Variants in TEK observed in about 807,000 individuals in gnomAD.
TEK encodes TEK receptor tyrosine kinase.
Under a neutral mutation model 131.8 loss-of-function variants are expected in TEK, and 43 were observed. The ratio of observed to expected loss-of-function variants is 0.33; its 90% CI spans 0.26 to 0.42. The LOEUF (loss-of-function observed/expected upper bound fraction) is 0.42. Among genes scored for constraint, TEK ranks in the 10% least tolerant of loss-of-function variants. The pLI, the probability that TEK is intolerant of heterozygous loss-of-function variation, is 1.00. For synonymous variants in TEK, 580 were observed against 491.6 expected, an observed-to-expected ratio of 1.18 and a Z score of -2.38; for missense variants, 1,162 against 1,384.4, an observed-to-expected ratio of 0.84 and a Z score of 2.55.
chr9:27,195,355 A>T (rs576808887), intron 11 of TEK, among the ~76,000 whole-genome samples: 1 of 152,322 alleles, frequency 6.6e-6, no homozygotes, highest in East Asian at 1.9e-4. Context: ...CCTTTAAAAA[A>T]AAATGTATTG....
In TEK at chr9:27,158,015, C is replaced by G; in HGVS notation, c.237C>G (p.Thr79=). The G allele has an allele frequency of 6.2e-7, 1 of 1,613,990 alleles. No individual in the cohort carries two copies. ...QDPLEVTQDV[T]REWAKKVVWK... ...CGCTGGAAGTTACTCAAGATGTGAC[C>G]AGAGAATGGGCTAAAAAAGTTGTTT... The change falls in exon 2 of 23, where the codon ACC becomes ACG. Residue 79 remains threonine, a synonymous_variant. Coordinates refer to ENST00000380036, the MANE Select transcript of TEK (RefSeq NM_000459.5).
chr9:27,226,263 T>C (rs901857149), intron 21 of TEK, among the ~76,000 whole-genome samples: 6 of 152,218 alleles, frequency 3.9e-5, no homozygotes, highest in African/African-American at 1.4e-4. Context: ...ATCATTCTAC[T>C]ATAAAGACAC....
At chr9:27,185,383 C>T in intron 8 of TEK, 102 bp from the exon 9 acceptor site, 1 of 1,433,572 alleles carries the variant, frequency 7.0e-7, no homozygotes. Flanking sequence ...TTGATCTCTC[C>T]TAGGAAACTT....
At chr9:27,167,982 A>G (rs1378373209) in intron 2 of TEK, among the ~76,000 whole-genome samples, 1 of 152,186 alleles carries the variant, frequency 6.6e-6, no homozygotes, top group Admixed American at 6.5e-5. Context: ...GAGTGTTCCA[A>G]ATCCAAAAAT....
At chr9:27,206,477 C>A in intron 14 of TEK, 105 bp from the exon 15 acceptor site, 1 of 1,221,440 alleles carries the variant, frequency 8.2e-7, no homozygotes, top group Non-Finnish European at 1.2e-6. Context: ...GAATTAAATA[C>A]AGTATTTCTT....
chr9:27,178,331 A>AT (rs1259007749), intron 6 of TEK, among the ~76,000 whole-genome samples: 2 of 151,998 alleles, frequency 1.3e-5, no homozygotes, highest in African/African-American at 4.8e-5. Context: ...GTGTGTTTTT[A>AT]TGCCAGTACC....
chr9:27,149,937 G>A (rs913031835), intron 1 of TEK, among the ~76,000 whole-genome samples: 3 of 152,148 alleles, frequency 2.0e-5, no homozygotes, highest in Admixed American at 6.5e-5. Context: ...CCACTCCTGA[G>A]ACAAAGTGAG....
chr9:27,123,322 C>G (rs1231520838), intron 1 of TEK, among the ~76,000 whole-genome samples: 1 of 152,104 alleles, frequency 6.6e-6, no homozygotes, highest in South Asian at 2.1e-4. Flanking sequence ...GTCCTTCTCT[C>G]TGCCGTCATA....
chr9:27,228,184 C>T, intron 21 of TEK, 22 bp from the exon 22 acceptor site: 1 of 1,579,072 alleles, frequency 6.3e-7, no homozygotes, highest in Non-Finnish European at 8.7e-7. Flanking sequence ...AGAATTAACC[C>T]TTTAATTCTT....
chr9:27,177,969 G>C (rs907410305), intron 6 of TEK, among the ~76,000 whole-genome samples: 2 of 152,182 alleles, frequency 1.3e-5, no homozygotes, highest in African/African-American at 2.4e-5. Context: ...TTAGTTTGAT[G>C]CAATCACATT....
intron 10 of TEK, among the ~76,000 whole-genome samples, chr9:27,191,447 A>G (rs1824819226): frequency 6.6e-6 from 1 of 152,182 alleles, no homozygotes; most frequent in Non-Finnish European, 1.5e-5. Flanking sequence ...TGCTGCTTCA[A>G]TTGGACTATT....
Position 27,140,405 on chromosome 9 carries a change from A to C in TEK, c.53-17426A>C, listed in dbSNP as rs1054652316. The stretch of plus-strand genomic sequence containing the variant: ...TTACATTAGCAAAAAAGAAAAAAAA[A>C]AAAAAAAAAGAAACATTAATCTCTT... On this transcript the variant is annotated intron_variant, in intron 1 of 22. Coordinates refer to ENST00000380036, the MANE Select transcript of TEK (RefSeq NM_000459.5). Among the ~76,000 whole-genome samples, 117 of 151,772 alleles carry C rather than the reference A, an allele frequency of 7.7e-4. 1 individual carries two copies. The highest frequency in any genetic ancestry group is 2.8e-3 in the African/African-American group (114 of 41,444).
chr9:27,205,944 G>T (rs746822588), intron 14 of TEK, among the ~76,000 whole-genome samples: 69 of 147,498 alleles, frequency 4.7e-4, no homozygotes, highest in Non-Finnish European at 8.2e-4. Context: ...CGCTGGAGAA[G>T]AAGGGCCAGC....
chr9:27,173,710 C>T (rs557674100), intron 6 of TEK, among the ~76,000 whole-genome samples: 8 of 149,600 alleles, frequency 5.3e-5, no homozygotes, highest in African/African-American at 1.5e-4. Flanking sequence ...AGTAGGAAGA[C>T]CATAGAAGAC....
At chr9:27,133,304 T>A (rs964968218) in intron 1 of TEK, among the ~76,000 whole-genome samples, 2 of 152,200 alleles carry the variant, frequency 1.3e-5, no homozygotes, top group Non-Finnish European at 2.9e-5. Flanking sequence ...TTAGGATCAT[T>A]AAATAGTTGG....
chr9:27,137,508 C>G (rs573060285), intron 1 of TEK, among the ~76,000 whole-genome samples: 1 of 152,148 alleles, frequency 6.6e-6, no homozygotes, highest in South Asian at 2.1e-4. Flanking sequence ...TACATAAACT[C>G]ATTAGCAAAA....
intron 1 of TEK, among the ~76,000 whole-genome samples, chr9:27,148,115 GC>G (rs1015418408): frequency 6.6e-6 from 1 of 152,210 alleles, no homozygotes; most frequent in African/African-American, 2.4e-5. Flanking sequence ...ATTAGGGTTA[GC>G]TTTTATATAA....
Position 27,203,091 on chromosome 9 carries a change from T to G in TEK, c.2181T>G (p.His727Gln). Residue 727 changes from histidine (H) to glutamine (Q), a missense_variant, in exon 13 of 23, where the codon CAT (histidine) becomes CAG (glutamine). Physicochemically the swap from His to Gln is conservative, Grantham distance 24 (BLOSUM62 0). Around this residue, in one of 6 missense-constraint regions of TEK, gnomAD observed 477 missense variants for 471.0 expected, o/e 1.01. Transcript: ENST00000380036. ...GGTCAAGCAACCCAGCCTTTTCTCATGAACTGGTGACCCTCCCAGAATCTC... is the reference window on the plus strand; with the variant it reads ...GGTCAAGCAACCCAGCCTTTTCTCAGGAACTGGTGACCCTCCCAGAATCTC... ...NIGSSNPAFSHELVTLPESQA... is the reference protein window; with the variant it reads ...NIGSSNPAFSQELVTLPESQA... The G allele has an allele frequency of 1.2e-6, 2 of 1,614,128 alleles. No homozygotes were observed. Among genetic ancestry groups the G allele is most frequent in the Non-Finnish European group, 1.7e-6 (2 of 1,179,990 alleles).
At chr9:27,229,092 G>A (rs1564116120) in intron 22 of TEK, 66 bp from the exon 23 acceptor site, 3 of 1,465,012 alleles carry the variant, frequency 2.0e-6, no homozygotes, top group South Asian at 1.1e-5. Flanking sequence ...AGGTATTGCT[G>A]TAACTGCCGC....
Sources: gnomAD v4.1 joint callset for allele counts (sites outside exome capture counted in the v4.1 genomes callset) on GRCh38, gnomAD v4.1.1 for gene constraint, gnomAD v4.1.1 regional missense constraint, MANE v1.5 for transcripts, NCBI Gene and HGNC (gene_info 2026-07-23, HGNC 2026-07-21) for gene names.